The following EFR3B variants were observed in gnomAD, a reference collection of about 807,000 sequenced individuals.
The protein encoded by EFR3B is protein EFR3 homolog B.
EFR3B carries 64 observed loss-of-function variants against 104.7 expected under a neutral mutation model. The observed-to-expected ratio is 0.61, with a 90% CI of 0.50 to 0.75. The LOEUF (loss-of-function observed/expected upper bound fraction) is 0.75, where lower values mean the gene tolerates loss of function less well. EFR3B is among the 30% of genes least tolerant of loss of function. The probability of loss-of-function intolerance (pLI) is 0.00; values close to 1 mark genes in which losing one functional copy is unlikely to be tolerated. For missense variants in EFR3B, 750 were observed against 1,078.5 expected (o/e 0.70, Z 4.27); for synonymous variants, 385 against 417.9 (o/e 0.92, Z 0.96).
At chr2:25,090,709 T>C (rs1669088134) in intron 1 of EFR3B, among the ~76,000 whole-genome samples, 1 of 152,220 alleles carries the variant, frequency 6.6e-6, no homozygotes, top group Non-Finnish European at 1.5e-5. Flanking sequence ...GAATCGTTGA[T>C]GATGATGTTA....
At chr2:25,108,124 G>A (rs559356836) in intron 4 of EFR3B, among the ~76,000 whole-genome samples, 9 of 152,224 alleles carry the variant, frequency 5.9e-5, no homozygotes, top group South Asian at 2.1e-4. Context: ...GTGAGCCACC[G>A]TGCCCAGTGA....
intron 1 of EFR3B, among the ~76,000 whole-genome samples, chr2:25,046,213 CCGTCT>C (rs1667712411): frequency 6.6e-6 from 1 of 152,046 alleles, no homozygotes; most frequent in Non-Finnish European, 1.5e-5. Flanking sequence ...TGGTGAAACC[CCGTCT>C]CTACTAAAAA....
intron 18 of EFR3B, 115 bp from the exon 19 acceptor site, chr2:25,144,845 G>C: frequency 1.2e-6 from 1 of 806,440 alleles, no homozygotes; most frequent in Non-Finnish European, 2.0e-6. Context: ...TGTGCACTGA[G>C]CCTTAGAGGA....
At chr2:25,127,729 C>T (rs960445092) in intron 5 of EFR3B, among the ~76,000 whole-genome samples, 6 of 152,148 alleles carry the variant, frequency 3.9e-5, no homozygotes, top group African/African-American at 1.4e-4. Flanking sequence ...AGCTCCAAGC[C>T]GACACCCCTT....
chr2:25,051,854 G>A lies in EFR3B; in HGVS notation c.7+9535G>A, dbSNP rs142741312. Among the ~76,000 whole-genome samples the A allele has an allele frequency of 9.9e-3, 1,491 of 150,522 alleles. 28 individuals carry two copies. The highest frequency in any genetic ancestry group is 0.032 in the African/African-American group (1,334 of 41,270). Reference sequence around the variant, plus strand: ...AGGGTTTCACCATGTTGGCCAGGCTGATCTTGATCTCCTGACCTCAGGTGA... The same window carrying A: ...AGGGTTTCACCATGTTGGCCAGGCTAATCTTGATCTCCTGACCTCAGGTGA... On this transcript the variant is annotated intron_variant, in intron 1 of 22. Transcript: ENST00000403714.
chr2:25,051,317 G>C (rs192758139), intron 1 of EFR3B, among the ~76,000 whole-genome samples: 1 of 151,994 alleles, frequency 6.6e-6, no homozygotes, highest in Non-Finnish European at 1.5e-5. Flanking sequence ...GTTTCACCCT[G>C]TTGGCCAGGC....
chr2:25,123,696 T>C lies in EFR3B; in HGVS notation c.485+1902T>C, dbSNP rs568855432. ...AGGTGTTAGGGGAGGTATAGGACCA[T>C]GGCCACATATGTCTGTAACACATGC... is the stretch of plus-strand genomic sequence containing the variant. On this transcript the variant is annotated intron_variant, in intron 5 of 22. Coordinates refer to ENST00000403714, the MANE Select transcript of EFR3B (RefSeq NM_014971.2). Among the ~76,000 whole-genome samples, 5 of 152,362 alleles carry C rather than the reference T, an allele frequency of 3.3e-5. No homozygotes were observed. The South Asian group carries it at 8.3e-4, about 25-fold the overall frequency.
intron 1 of EFR3B, among the ~76,000 whole-genome samples, chr2:25,075,853 TG>T (rs1333503517): frequency 1.3e-5 from 2 of 152,202 alleles, no homozygotes; most frequent in African/African-American, 4.8e-5. Context: ...TTGACGGTCA[TG>T]ATGATGCCCT....
chr2:25,104,075 C>A (rs1226578276), intron 4 of EFR3B, among the ~76,000 whole-genome samples: 2 of 152,088 alleles, frequency 1.3e-5, no homozygotes, highest in African/African-American at 4.8e-5. Flanking sequence ...TGGCCAGGCA[C>A]AGTGGCTCAC....
At chr2:25,064,604 T>C (rs1459849379) in intron 1 of EFR3B, among the ~76,000 whole-genome samples, 1 of 152,212 alleles carries the variant, frequency 6.6e-6, no homozygotes, top group Non-Finnish European at 1.5e-5. Context: ...GTATGAGTTA[T>C]TTATTGGAAT....
rs1671226892 is a variant in EFR3B, at chr2:25,158,201, G to A, written c.*3861G>A. The A allele has an allele frequency of 6.6e-6, 1 of 152,308 alleles. No homozygotes were observed. Among genetic ancestry groups the A allele is most frequent in the African/African-American group, 2.4e-5 (1 of 41,466 alleles). 9.4% of individuals were successfully genotyped at this position (152,308 alleles called of 1,614,324 possible). A position where few individuals can be genotyped will look rare whatever the true frequency, so the allele number is the denominator to read the frequency against. ...GCCTCCTGACCTGGTGACAGAGAGT[G>A]CCCTGCAGAAGTGAGTCTATTTTTC... On this transcript the variant is annotated 3_prime_UTR_variant, in exon 23 of 23. Transcript: ENST00000403714.
chr2:25,131,835 G>A lies in EFR3B; in HGVS notation c.1071G>A (p.Gly357=), dbSNP rs1670345650. 1 of 1,549,926 alleles carries A rather than the reference G, an allele frequency of 6.5e-7. No individual in the cohort carries two copies. ...IDYALTGSYD[G]AVSLGTKIIK... is the part of the protein sequence containing the mutation. ...ACGCGCTGACCGGGAGCTACGACGG[G>A]GCGGTCAGCCTCGGCACCAAGATCA... Residue 357 remains glycine (G), a synonymous_variant, in exon 10 of 23, where the codon GGG becomes GGA. Transcript: ENST00000403714. This position sits in a 1 kb window ranked among gnomAD's most constrained non-coding sequence, Gnocchi z 7.6.
Position 25,157,095 on chromosome 2 carries a change from G to A in EFR3B, c.*2755G>A, listed in dbSNP as rs1671190113. The A allele has an allele frequency of 6.6e-6, 1 of 152,322 alleles. No individual in the cohort carries two copies. Among genetic ancestry groups the A allele is most frequent in the East Asian group, 1.9e-4 (1 of 5,186 alleles). 9.4% of individuals were successfully genotyped at this position (152,322 alleles called of 1,614,324 possible). On this transcript the variant is annotated 3_prime_UTR_variant, in exon 23 of 23. Coordinates refer to ENST00000403714, the MANE Select transcript of EFR3B (RefSeq NM_014971.2). ...CTGTGAATAGAGAGACAGAAAAGGT[G>A]CAGGTTCCCATTCTGCATAGATTCT...
At chr2:25,139,499 C>G (rs1180760479) in intron 16 of EFR3B, among the ~76,000 whole-genome samples, 3 of 151,486 alleles carry the variant, frequency 2.0e-5, no homozygotes, top group Admixed American at 6.6e-5. Flanking sequence ...ACACATGCCT[C>G]AGATCATGCA....
At chr2:25,068,633 GTT>G (rs34036647) in intron 1 of EFR3B, among the ~76,000 whole-genome samples, 7 of 143,612 alleles carry the variant, frequency 4.9e-5, no homozygotes, top group South Asian at 2.2e-4. Flanking sequence ...TTTTTTTTAT[GTT>G]TTTTTTTTTT....
intron 1 of EFR3B, chr2:25,081,013 C>G: frequency 1.3e-6 from 1 of 754,508 alleles, no homozygotes; most frequent in Non-Finnish European, 2.5e-6. Context: ...TCAGGAGTCT[C>G]AGCAGCAACA....
intron 1 of EFR3B, among the ~76,000 whole-genome samples, chr2:25,047,925 CTCTAGAAAA>C (rs1667766141): frequency 6.6e-6 from 1 of 152,196 alleles, no homozygotes. Flanking sequence ...CATCGAATCC[CTCTAGAAAA>C]TCTAGAAAAT....
chr2:25,051,700 A>G (rs1667875699), intron 1 of EFR3B, among the ~76,000 whole-genome samples: 1 of 147,526 alleles, frequency 6.8e-6, no homozygotes, highest in East Asian at 2.1e-4. Context: ...CAGTGGCGCA[A>G]TCTCAGCTCA....
Position 25,137,279 on chromosome 2 carries a change from T to A in EFR3B, c.1561-62T>A. 3.3e-6 allele frequency: 5 copies of A among 1,532,668 alleles called. No individual in the cohort carries two copies. The highest frequency in any genetic ancestry group is 3.5e-6 in the Non-Finnish European group (4 of 1,134,440). The allele number at this position is 1,532,668 out of a possible 1,614,324, so 94.9% of individuals were successfully genotyped here. A position where few individuals can be genotyped will look rare whatever the true frequency, so the allele number is the denominator to read the frequency against. ...CCTTCAGATTGGTCTTCCTCCGTGT[T>A]CTCCTTGCCCCTCCTGTCCCCATCC... On this transcript the variant is annotated intron_variant, in intron 14 of 22. Transcript: ENST00000403714. This position sits in a 1 kb window ranked among gnomAD's most constrained non-coding sequence, Gnocchi z 4.7.
Sources: allele counts gnomAD v4.1 joint callset (sites outside exome capture counted in the v4.1 genomes callset), GRCh38; gene constraint gnomAD v4.1.1; non-coding constraint Gnocchi (gnomAD v3.1); transcripts MANE v1.5; gene names NCBI Gene and HGNC (gene_info 2026-07-23, HGNC 2026-07-21).